The following DNAH9 variants were observed in gnomAD, a reference collection of about 807,000 sequenced individuals.
DNAH9 encodes the protein DNAH9 variant protein.
DNAH9 carries 345 observed loss-of-function variants against 471.6 expected under a neutral mutation model. The ratio of observed to expected loss-of-function variants is 0.73; its 90% CI spans 0.67 to 0.80. The LOEUF is 0.80. Ranked by LOEUF, DNAH9 falls within the 30% of genes least tolerant of loss-of-function variation. DNAH9 has a pLI of 0.00. For synonymous variants in DNAH9, 2,093 were observed against 2,123.6 expected (o/e 0.99, Z 0.40); for missense variants, 5,407 against 5,609.2 (o/e 0.96, Z 1.15).
At chr17:11,752,982 CTAGAT>C (rs1443646692) in intron 33 of DNAH9, 22 bp downstream of exon 33, 1 of 1,543,392 alleles carries the variant, frequency 6.5e-7, no homozygotes, top group Non-Finnish European at 8.7e-7. Flanking sequence ...GGGGATATCC[CTAGAT>C]CATTTCTAAT....
At chr17:11,905,562 G>A (rs1350509485) in intron 60 of DNAH9, 99 bp from the exon 61 acceptor site, 3 of 1,322,658 alleles carry the variant, frequency 2.3e-6, no homozygotes, top group Non-Finnish European at 3.1e-6. Flanking sequence ...CCATGACCTT[G>A]AGCATGTTCT....
chr17:11,771,528 C>G (rs1284377131), intron 38 of DNAH9, among the ~76,000 whole-genome samples: 1 of 152,202 alleles, frequency 6.6e-6, no homozygotes, highest in Non-Finnish European at 1.5e-5. Flanking sequence ...AGTCCTTACT[C>G]CATGAAGCCT....
intron 59 of DNAH9, among the ~76,000 whole-genome samples, chr17:11,901,841 A>T (rs938535646): frequency 6.6e-6 from 1 of 152,264 alleles, no homozygotes; most frequent in Non-Finnish European, 1.5e-5. Flanking sequence ...GGCCGCATGC[A>T]GCCCAAGGGC....
intron 28 of DNAH9, among the ~76,000 whole-genome samples, chr17:11,737,810 G>C (rs1313834577): frequency 6.6e-6 from 1 of 152,154 alleles, no homozygotes; most frequent in Non-Finnish European, 1.5e-5. Context: ...GCCTACCTTT[G>C]CTCCATCTGT....
intron 26 of DNAH9, among the ~76,000 whole-genome samples, chr17:11,712,086 G>A (rs1407736661): frequency 0.011 from 16 of 1,420 alleles, 7 homozygotes; most frequent in Non-Finnish European, 0.062. Flanking sequence ...AAATATATTT[G>A]TATATATATT....
intron 42 of DNAH9, among the ~76,000 whole-genome samples, chr17:11,796,516 T>C (rs1283905079): frequency 6.6e-6 from 1 of 152,230 alleles, no homozygotes. Context: ...TCTTCCTCAC[T>C]TTCCCTATAT....
At chr17:11,701,283 G>T in intron 24 of DNAH9, 36 bp downstream of exon 24, 1 of 1,608,268 alleles carries the variant, frequency 6.2e-7, no homozygotes, top group South Asian at 1.1e-5. Context: ...CTCCATGGTT[G>T]GGGCTGTCTT....
chr17:11,730,981 A>G (rs1190845720), intron 28 of DNAH9, among the ~76,000 whole-genome samples: 1 of 112,700 alleles, frequency 8.9e-6, no homozygotes, highest in South Asian at 3.1e-4. Context: ...GGTGATGATG[A>G]TGGAGATGAT....
intron 17 of DNAH9, 65 bp downstream of exon 17, chr17:11,669,859 CT>C (rs1198124786): frequency 4.4e-6 from 6 of 1,377,526 alleles, no homozygotes; most frequent in Non-Finnish European, 6.0e-6. Flanking sequence ...GTTTTTAAAC[CT>C]TTTTTATATT....
In DNAH9 at chr17:11,651,282, C is replaced by T. The variant is rs137877445; in HGVS notation, c.2311C>T (p.Arg771Cys). The change falls in exon 13 of 69, where the codon CGC (arginine) becomes TGC (cysteine). Residue 771 changes from arginine (R) to cysteine (C), a missense_variant. By Grantham distance (180) the Arg-to-Cys change is radical. Coordinates refer to ENST00000262442, the MANE Select transcript of DNAH9 (RefSeq NM_001372.4). The part of the protein sequence containing the change: ...VEEELQNIDL[R>C]LRAAEETLNW... ...GGAAGAGCTGCAAAATATTGATCTC[C>T]GCCTCAGAGCAGCAGAGGAGACTTT... 106 of 1,613,788 alleles carry T rather than the reference C, an allele frequency of 6.6e-5. No individual in the cohort carries two copies. The highest frequency in any genetic ancestry group is 3.6e-4 in the African/African-American group (27 of 74,998).
At chr17:11,744,582 G>C (rs1450380311) in intron 30 of DNAH9, among the ~76,000 whole-genome samples, 1 of 152,146 alleles carries the variant, frequency 6.6e-6, no homozygotes, top group African/African-American at 2.4e-5. Context: ...TGTATGTTCT[G>C]TGTCTGCCCT....
At chr17:11,897,581 A>G (rs951905572) in intron 59 of DNAH9, among the ~76,000 whole-genome samples, 2 of 152,144 alleles carry the variant, frequency 1.3e-5, no homozygotes, top group African/African-American at 4.8e-5. Flanking sequence ...AGCGGTTCTG[A>G]ATGAACCCCT....
intron 67 of DNAH9, among the ~76,000 whole-genome samples, chr17:11,947,515 A>G (rs1359890670): frequency 1.4e-5 from 2 of 147,600 alleles, no homozygotes; most frequent in African/African-American, 2.4e-5. Context: ...TTTCAAAGCC[A>G]TAAGACCAAA....
chr17:11,825,034 G>T (rs1487370279), intron 48 of DNAH9, among the ~76,000 whole-genome samples: 2 of 150,578 alleles, frequency 1.3e-5, no homozygotes, highest in African/African-American at 4.9e-5. Flanking sequence ...CAAACTCAAC[G>T]TTTGCCAACA....
chr17:11,831,943 C>T (rs935251084), intron 48 of DNAH9, among the ~76,000 whole-genome samples: 1 of 152,176 alleles, frequency 6.6e-6, no homozygotes, highest in Non-Finnish European at 1.5e-5. Context: ...CCATTTACTA[C>T]CATGGTCCCG....
intron 38 of DNAH9, among the ~76,000 whole-genome samples, chr17:11,780,571 A>G (rs1786372728): frequency 6.6e-6 from 1 of 152,194 alleles, no homozygotes; most frequent in Non-Finnish European, 1.5e-5. Context: ...TTTAGTATGT[A>G]AACAAAGAAA....
rs551686662 is a variant in DNAH9 at position 11,797,632 on chromosome 17, G to A, written c.8259G>A (p.Pro2753=). 2.2e-5 allele frequency: 36 copies of A among 1,613,992 alleles called. No individual in the cohort carries two copies. In the South Asian group the frequency reaches 3.1e-4, roughly 14 times the overall value. The change falls in exon 43 of 69, where the codon CCG becomes CCA. Residue 2753 remains proline (P), a synonymous_variant. Coordinates refer to ENST00000262442, the MANE Select transcript of DNAH9 (RefSeq NM_001372.4). ...ACCCTGTGGAGCAGACCCAAAGCCC[G>A]AACCTGTATTGTCACTTTGCAAATG... ...IEDPVEQTQS[P]NLYCHFANGI...
rs770141875 is a variant in DNAH9 at position 11,822,924 on chromosome 17, G to C, written c.9136G>C (p.Glu3046Gln). 6.2e-7 allele frequency: 1 copy of C among 1,614,170 alleles called. No individual in the cohort carries two copies. The highest frequency in any genetic ancestry group is 1.1e-5 in the South Asian group (1 of 91,080). The part of the protein sequence containing the change: ...YNYTTPKSFL[E>Q]FIRLYQSLLH... Reference sequence around the variant, plus strand: ...CTATACAACTCCCAAGTCCTTTCTGGAGTTCATCAGACTCTACCAGAGCTT... The same window carrying C: ...CTATACAACTCCCAAGTCCTTTCTGCAGTTCATCAGACTCTACCAGAGCTT... The change falls in exon 48 of 69, where the codon GAG becomes CAG. Residue 3046 changes from glutamate to glutamine, a missense_variant. Around this residue, in one of 3 missense-constraint regions of DNAH9, gnomAD observed 4,636 missense variants for 4,900.3 expected, o/e 0.95. Coordinates refer to ENST00000262442, the MANE Select transcript of DNAH9 (RefSeq NM_001372.4).
At chr17:11,881,707 G>A (rs895177306) in intron 55 of DNAH9, among the ~76,000 whole-genome samples, 3 of 152,098 alleles carry the variant, frequency 2.0e-5, no homozygotes, top group African/African-American at 7.2e-5. Context: ...GGTAGTTCGA[G>A]ACCAGCCTGG....
Sources: gnomAD v4.1 joint callset for allele counts (sites outside exome capture counted in the v4.1 genomes callset) on GRCh38, gnomAD v4.1.1 for gene constraint, gnomAD v4.1.1 regional missense constraint, MANE v1.5 for transcripts, NCBI Gene and HGNC (gene_info 2026-07-23, HGNC 2026-07-21) for gene names.